ASAP1: variants seen among roughly 807,000 people sequenced by gnomAD.
ASAP1 encodes ArfGAP with SH3 domain, ankyrin repeat and PH domain 1, also known as arf-GAP with SH3 domain, ANK repeat and PH domain-containing protein 1.
ASAP1 carries 43 observed loss-of-function variants against 145.2 expected under a neutral mutation model. The ratio of observed to expected loss-of-function variants is 0.30; its 90% CI spans 0.23 to 0.38. The LOEUF (loss-of-function observed/expected upper bound fraction) is 0.38, where lower values mean the gene tolerates loss of function less well. Among genes scored for constraint, ASAP1 ranks in the 10% least tolerant of loss-of-function variants. The pLI is 1.00. For synonymous variants in ASAP1, 546 were observed against 515.5 expected (o/e 1.06, Z -0.80); for missense variants, 1,018 against 1,355.3 (o/e 0.75, Z 3.91).
rs1213873883 is a variant in ASAP1 at position 130,153,332 on chromosome 8, AATATATATATATATATATATATATATGT to A, written c.1011-555_1011-528del. On this transcript the variant is annotated intron_variant, in intron 12 of 29. Coordinates refer to ENST00000518721, the MANE Select transcript of ASAP1 (RefSeq NM_018482.4). Reference sequence around the variant, plus strand: ...AGCACCTGGCCAGCACTGCTTTTTAAATATATATATATATATATATATATATGTATATATATATATATATATATATATT... The same window carrying A: ...AGCACCTGGCCAGCACTGCTTTTTAAATATATATATATATATATATATATT... 7.0e-3 allele frequency among the ~76,000 whole-genome samples: 615 copies of A among 87,446 alleles called. 8 individuals are homozygous for A. The highest frequency in any genetic ancestry group is 0.023 in the African/African-American group (526 of 22,654). 57.4% of individuals were successfully genotyped at this position (87,446 alleles called of 152,430 possible). A position where few individuals can be genotyped will look rare whatever the true frequency, so the allele number is the denominator to read the frequency against.
chr8:130,354,595 G>C (rs970158328), intron 3 of ASAP1, among the ~76,000 whole-genome samples: 4 of 152,178 alleles, frequency 2.6e-5, no homozygotes, highest in African/African-American at 7.2e-5. Flanking sequence ...TCCCGTTTAG[G>C]GAAAACGCTT....
At chr8:130,418,789 T>A (rs75623002) in intron 1 of ASAP1, among the ~76,000 whole-genome samples, 2 of 139,602 alleles carry the variant, frequency 1.4e-5, no homozygotes, top group African/African-American at 5.3e-5. Context: ...TTTTTTTTTT[T>A]AATTATTCTT....
intron 3 of ASAP1, among the ~76,000 whole-genome samples, chr8:130,257,880 T>C (rs961331631): frequency 4.0e-5 from 6 of 150,204 alleles, no homozygotes; most frequent in African/African-American, 7.3e-5. Context: ...CACAATATTC[T>C]AGCAAATCTG....
intron 24 of ASAP1, among the ~76,000 whole-genome samples, chr8:130,100,513 G>C (rs2097526913): frequency 6.6e-6 from 1 of 151,982 alleles, no homozygotes; most frequent in Non-Finnish European, 1.5e-5. Flanking sequence ...ATTTTTAGTA[G>C]AGATGGGGTT....
intron 3 of ASAP1, among the ~76,000 whole-genome samples, chr8:130,285,340 C>T (rs1473795431): frequency 6.6e-6 from 1 of 151,244 alleles, no homozygotes; most frequent in Admixed American, 6.6e-5. Context: ...AAACAAAAAA[C>T]AAAACTGACT....
chr8:130,250,942 C>T (rs561111691), intron 3 of ASAP1, among the ~76,000 whole-genome samples: 3 of 152,244 alleles, frequency 2.0e-5, no homozygotes, highest in African/African-American at 7.2e-5. Context: ...ACTGAATGCA[C>T]GTCAGGCTAT....
chr8:130,138,096 G>A (rs1051335023), intron 13 of ASAP1, among the ~76,000 whole-genome samples: 1 of 152,208 alleles, frequency 6.6e-6, no homozygotes, highest in African/African-American at 2.4e-5. Context: ...GGAAAAGAGA[G>A]GGGGAGGGAG....
At chr8:130,411,605 C>T (rs1309875590) in intron 1 of ASAP1, among the ~76,000 whole-genome samples, 2 of 152,170 alleles carry the variant, frequency 1.3e-5, no homozygotes, top group South Asian at 2.1e-4. Context: ...GGAAACCACC[C>T]TAAGACAGGG....
At chr8:130,167,738 A>G (rs1261608879) in intron 10 of ASAP1, 116 bp from the exon 11 acceptor site, 2 of 721,592 alleles carry the variant, frequency 2.8e-6, no homozygotes, top group Non-Finnish European at 4.7e-6. Context: ...TTCTTACTAA[A>G]AGTCCTTTAT....
At chr8:130,239,532 G>C (rs115918257) in intron 3 of ASAP1, among the ~76,000 whole-genome samples, 135 of 152,106 alleles carry the variant, frequency 8.9e-4, no homozygotes, top group African/African-American at 2.9e-3. Flanking sequence ...TGATATCCGC[G>C]ATAGGCTGAA....
intron 13 of ASAP1, among the ~76,000 whole-genome samples, chr8:130,140,239 C>T (rs769155387): frequency 1.2e-4 from 18 of 151,758 alleles, no homozygotes; most frequent in Non-Finnish European, 2.4e-4. Context: ...GACAGTCTCT[C>T]CATGTTGCCC....
intron 13 of ASAP1, among the ~76,000 whole-genome samples, chr8:130,152,047 A>G (rs1463886163): frequency 6.6e-6 from 1 of 152,244 alleles, no homozygotes; most frequent in Non-Finnish European, 1.5e-5. Flanking sequence ...ATAGATATCT[A>G]AAGTCAGCTG....
chr8:130,289,030 C>CAAAA (rs1821788636), intron 3 of ASAP1, among the ~76,000 whole-genome samples: 1 of 151,950 alleles, frequency 6.6e-6, no homozygotes, highest in African/African-American at 2.4e-5. Flanking sequence ...ACTAAAAATA[C>CAAAA]AAAAAATTAG....
rs751027766 is a variant in ASAP1, at chr8:130,358,047, G to A, written c.156C>T (p.Asn52=). 1.5e-5 allele frequency: 24 copies of A among 1,610,446 alleles called. No individual in the cohort carries two copies. The highest frequency in any genetic ancestry group is 2.0e-5 in the Non-Finnish European group (23 of 1,178,874). Residue 52 remains asparagine, a synonymous_variant, in exon 3 of 30, where the codon AAC becomes AAT. Transcript: ENST00000518721. This position sits in a 1 kb window ranked among gnomAD's most constrained non-coding sequence, Gnocchi z 4.1. The stretch of plus-strand genomic sequence containing the variant: ...CCAGCAGCGTGACGGTGTTCCTGCA[G>A]TTGTGCAGCCGCGTGGTGAAGCTGG... ...TTSSFTTRLH[N]CRNTVTLLEE...
intron 2 of ASAP1, chr8:130,361,304 T>C (rs1275952500): frequency 1.6e-5 from 5 of 316,040 alleles, no homozygotes; most frequent in African/African-American, 1.1e-4. Flanking sequence ...GCCTTAGTGC[T>C]ATCCTTTGTA....
At position 130,431,693 on chromosome 8, in the gene ASAP1, G is replaced by A. The variant is rs1830139132; in HGVS notation, c.-28+11767C>T. ...CTGCAGGACCACACTAAACATGCTG[G>A]CTCATAATTATCTGGACATGTCTGG... On this transcript the variant is annotated intron_variant, in intron 1 of 29. Coordinates refer to ENST00000518721, the MANE Select transcript of ASAP1 (RefSeq NM_018482.4). 3.9e-5 allele frequency among the ~76,000 whole-genome samples: 6 copies of A among 152,014 alleles called. No homozygotes were observed. The South Asian group carries it at 1.2e-3, about 32-fold the overall frequency.
intron 24 of ASAP1, among the ~76,000 whole-genome samples, chr8:130,102,717 GCT>G (rs2097530800): frequency 6.6e-6 from 1 of 152,084 alleles, no homozygotes; most frequent in Non-Finnish European, 1.5e-5. Flanking sequence ...ACAGGGTCTT[GCT>G]CTGTCACCCA....
intron 13 of ASAP1, among the ~76,000 whole-genome samples, chr8:130,146,091 T>A (rs117629136): frequency 0.026 from 3,923 of 150,284 alleles, 61 homozygotes; most frequent in Middle Eastern, 0.044. Context: ...GACTTAAGCC[T>A]CAAACTCCCA....
chr8:130,348,552 G>A (rs1356425288), intron 3 of ASAP1, among the ~76,000 whole-genome samples: 2 of 152,192 alleles, frequency 1.3e-5, no homozygotes, highest in Non-Finnish European at 2.9e-5. Context: ...AGAGCCTACT[G>A]TGAACTCCTG....
Sources: allele counts gnomAD v4.1 joint callset (sites outside exome capture counted in the v4.1 genomes callset), GRCh38; gene constraint gnomAD v4.1.1; non-coding constraint Gnocchi (gnomAD v3.1); transcripts MANE v1.5; gene names NCBI Gene and HGNC (gene_info 2026-07-23, HGNC 2026-07-21).